The following RAB27B variants were observed in gnomAD, a reference collection of about 807,000 sequenced individuals.
RAB27B encodes the protein RAB27B, member RAS oncogene family, also known as ras-related protein Rab-27B.
Under a neutral mutation model 24.6 loss-of-function variants are expected in RAB27B, and 15 were observed. The observed-to-expected ratio is 0.61, with a 90% CI of 0.41 to 0.94. RAB27B has a LOEUF of 0.94. Among genes scored for constraint, RAB27B ranks in the 40% least tolerant of loss-of-function variants. The probability of loss-of-function intolerance (pLI) is 0.00; values close to 1 mark genes in which losing one functional copy is unlikely to be tolerated. For synonymous variants in RAB27B, 105 were observed against 92.5 expected, an observed-to-expected ratio of 1.14 and a Z score of -0.78; for missense variants, 261 against 266.8, an observed-to-expected ratio of 0.98 and a Z score of 0.15.
intron 2 of RAB27B, among the ~76,000 whole-genome samples, chr18:54,823,121 A>G (rs35591469): frequency 6.6e-6 from 1 of 152,348 alleles, no homozygotes; most frequent in Middle Eastern, 3.4e-3. Context: ...TGAGCTACAC[A>G]TTTAAAGTAA....
chr18:54,868,172 T>G (rs895900694), intron 1 of RAB27B, among the ~76,000 whole-genome samples: 2 of 152,150 alleles, frequency 1.3e-5, no homozygotes, highest in African/African-American at 4.8e-5. Context: ...TGCCTCTAAA[T>G]TCTTATTCTG....
At chr18:54,879,582 G>T in intron 3 of RAB27B, 128 bp downstream of exon 3, 1 of 754,932 alleles carries the variant, frequency 1.3e-6, no homozygotes, top group Non-Finnish European at 2.3e-6. Flanking sequence ...ATAGACATTT[G>T]TATCCAGAAA....
chr18:54,722,838 G>A (rs1909403145), intron 2 of RAB27B, among the ~76,000 whole-genome samples: 1 of 152,124 alleles, frequency 6.6e-6, no homozygotes, highest in African/African-American at 2.4e-5. Flanking sequence ...CTACAGTTAT[G>A]CATAGGATCA....
In RAB27B at chr18:54,774,574, T is replaced by C. The variant is rs140619454; in HGVS notation, c.-20+56433T>C. ...CCTCATCCTCATTAAAAACTGGCAG[T>C]AAAAATGTAAGCAACTGATGATTGA... On this transcript the variant is annotated intron_variant, in intron 2 of 4. Transcript: ENST00000586570. Among the ~76,000 whole-genome samples, 449 of 152,326 alleles carry C rather than the reference T, an allele frequency of 2.9e-3. 6 individuals are homozygous for C. The highest frequency in any genetic ancestry group is 0.028 in the South Asian group (136 of 4,822).
chr18:54,799,889 G>A (rs191031336), intron 2 of RAB27B, among the ~76,000 whole-genome samples: 9 of 152,042 alleles, frequency 5.9e-5, no homozygotes, highest in Admixed American at 2.6e-4. Context: ...CTTGTGATCC[G>A]CCTGCCTCAG....
rs551096944 is a variant in RAB27B at position 54,749,786 on chromosome 18, A to G, written c.-20+31645A>G. Among the ~76,000 whole-genome samples the G allele has an allele frequency of 1.1e-4, 17 of 152,332 alleles. No individual in the cohort carries two copies. In the South Asian group the frequency reaches 2.7e-3, roughly 24 times the overall value. On this transcript the variant is annotated intron_variant, in intron 2 of 4. Coordinates refer to the RAB27B transcript ENST00000586570. ...AAGGAATAACATTTTTCTAATATTC[A>G]TAAGTGTAAAATAGAGGCTTTGGAT...
chr18:54,877,842 A>G, intron 2 of RAB27B, 104 bp downstream of exon 2: 1 of 1,177,624 alleles, frequency 8.5e-7, no homozygotes, highest in South Asian at 1.7e-5. Context: ...TTGTCACACG[A>G]AATTCATAAC....
At chr18:54,850,355 T>TATATATATATATATATATATATAC (rs1568096309) in intron 1 of RAB27B, among the ~76,000 whole-genome samples, 7 of 138,642 alleles carry the variant, frequency 5.0e-5, no homozygotes, top group Non-Finnish European at 1.1e-4. Flanking sequence ...TATATATATA[T>TATATATATATATATATATATATAC]ATATACATAC....
At chr18:54,825,012 C>A (rs1216645991), upstream of RAB27B, among the ~76,000 whole-genome samples, 1 of 152,142 alleles carries the variant, frequency 6.6e-6, no homozygotes, top group Non-Finnish European at 1.5e-5. Context: ...TTTAAAATGG[C>A]ACACAGGATG....
At chr18:54,721,503 T>C (rs1193231229) in intron 2 of RAB27B, among the ~76,000 whole-genome samples, 3 of 152,200 alleles carry the variant, frequency 2.0e-5, no homozygotes, top group Non-Finnish European at 2.9e-5. Flanking sequence ...TAACATTTTT[T>C]GGACACAGCA....
intron 2 of RAB27B, among the ~76,000 whole-genome samples, chr18:54,764,262 G>C (rs1205576130): frequency 6.6e-6 from 1 of 152,062 alleles, no homozygotes; most frequent in East Asian, 1.9e-4. Context: ...AATTTCTCAA[G>C]GAATAAGTAT....
At chr18:54,722,215 G>A (rs1271786629) in intron 2 of RAB27B, among the ~76,000 whole-genome samples, 1 of 152,042 alleles carries the variant, frequency 6.6e-6, no homozygotes, top group Admixed American at 6.6e-5. Flanking sequence ...TAAATTTTTT[G>A]GGTGAATTCT....
intron 1 of RAB27B, among the ~76,000 whole-genome samples, chr18:54,862,671 T>G (rs1568103085): frequency 6.6e-6 from 1 of 152,208 alleles, no homozygotes; most frequent in Non-Finnish European, 1.5e-5. Context: ...TCCCTCGAGT[T>G]GGTATTTGTA....
At chr18:54,749,611 A>T (rs1907765375) in intron 2 of RAB27B, among the ~76,000 whole-genome samples, 3 of 152,148 alleles carry the variant, frequency 2.0e-5, no homozygotes, top group African/African-American at 7.2e-5. Context: ...TTTCACTTCC[A>T]CCTACAAAGA....
At chr18:54,861,300 T>C (rs1454896755) in intron 1 of RAB27B, among the ~76,000 whole-genome samples, 2 of 152,200 alleles carry the variant, frequency 1.3e-5, no homozygotes, top group South Asian at 2.1e-4. Context: ...AAACCAAATC[T>C]TTTTCTTTAT....
intron 4 of RAB27B, 108 bp from the exon 5 acceptor site, chr18:54,887,887 C>A: frequency 7.4e-7 from 1 of 1,360,178 alleles, no homozygotes; most frequent in South Asian, 1.4e-5. Context: ...AACTAGTAAG[C>A]AACCAAACTG....
At chr18:54,801,658 A>G (rs1909615806) in intron 2 of RAB27B, among the ~76,000 whole-genome samples, 1 of 152,106 alleles carries the variant, frequency 6.6e-6, no homozygotes, top group Admixed American at 6.6e-5. Context: ...TGATTAGCAC[A>G]TCTCTGGCTT....
chr18:54,791,837 C>T (rs1909257488), intron 2 of RAB27B, among the ~76,000 whole-genome samples: 2 of 152,184 alleles, frequency 1.3e-5, no homozygotes, highest in Non-Finnish European at 2.9e-5. Context: ...CACACTGGCA[C>T]ATGCTGGCAA....
chr18:54,835,602 A>G (rs953709620), intron 1 of RAB27B, among the ~76,000 whole-genome samples: 3 of 152,028 alleles, frequency 2.0e-5, no homozygotes, highest in Admixed American at 2.0e-4. Flanking sequence ...AAATATTCTC[A>G]TATTTATAAC....
Sources: allele counts gnomAD v4.1 joint callset (sites outside exome capture counted in the v4.1 genomes callset), GRCh38; gene constraint gnomAD v4.1.1; transcripts MANE v1.5; gene names NCBI Gene and HGNC (gene_info 2026-07-23, HGNC 2026-07-21).